Variants in LCLAT1 observed in about 807,000 individuals in gnomAD.
LCLAT1 encodes the protein 1-AGP acyltransferase 8.
In LCLAT1, 11 loss-of-function variants were observed where a neutral mutation model predicts 30.7. The ratio of observed to expected loss-of-function variants is 0.36; its 90% confidence interval spans 0.23 to 0.59. The LOEUF is 0.59. Ranked by LOEUF, LCLAT1 falls within the 20% of genes least tolerant of loss-of-function variation. LCLAT1 has a pLI of 0.77. For missense variants in LCLAT1, 402 were observed against 458.6 expected (o/e 0.88, Z 1.13); for synonymous variants, 155 against 151.3 (o/e 1.02, Z -0.18).
chr2:30,459,480 C>A, intron 1 of LCLAT1: 1 of 705,778 alleles, frequency 1.4e-6, no homozygotes, highest in Non-Finnish European at 2.6e-6. Flanking sequence ...CTCCATGAAC[C>A]ATCTGATGAG....
chr2:30,491,911 G>A (rs1683852166), intron 1 of LCLAT1, among the ~76,000 whole-genome samples: 1 of 152,108 alleles, frequency 6.6e-6, no homozygotes, highest in Non-Finnish European at 1.5e-5. Context: ...TTTGCTGTTG[G>A]ATTTACTCTG....
At chr2:30,533,453 A>C in intron 3 of LCLAT1, 139 bp downstream of exon 3, 2 of 715,238 alleles carry the variant, frequency 2.8e-6, no homozygotes, top group Non-Finnish European at 5.0e-6. Context: ...TTTTGTCTTT[A>C]GTGGATCTGC....
chr2:30,598,161 G>A (rs896032405), intron 5 of LCLAT1, among the ~76,000 whole-genome samples: 1 of 152,152 alleles, frequency 6.6e-6, no homozygotes, highest in South Asian at 2.1e-4. Flanking sequence ...CTCATAAAAT[G>A]AGTTAGGGAG....
intron 5 of LCLAT1, among the ~76,000 whole-genome samples, chr2:30,583,293 G>A (rs1206903284): frequency 6.6e-6 from 1 of 152,160 alleles, no homozygotes; most frequent in East Asian, 1.9e-4. Flanking sequence ...GAGATAGGTA[G>A]CAATTACAAG....
intron 4 of LCLAT1, among the ~76,000 whole-genome samples, chr2:30,563,344 C>T (rs1012627865): frequency 6.6e-6 from 1 of 152,148 alleles, no homozygotes; most frequent in African/African-American, 2.4e-5. Flanking sequence ...CAGATGAAGC[C>T]TTCTATCAAG....
At chr2:30,485,237 G>A (rs1239903589) in intron 1 of LCLAT1, among the ~76,000 whole-genome samples, 1 of 152,058 alleles carries the variant, frequency 6.6e-6, no homozygotes, top group Non-Finnish European at 1.5e-5. Flanking sequence ...TTTGGTCCCC[G>A]CTTAGCTGAA....
In LCLAT1 at chr2:30,606,129, T is replaced by G; in HGVS notation, c.629-33988T>G. ...GGAAAAACACTCCATGCTCATGGAT[T>G]GGAAGAATCAATATCGTGAAATTGG... On this transcript the variant is annotated intron_variant, in intron 5 of 5. Coordinates refer to ENST00000379509, the MANE Select transcript of LCLAT1 (RefSeq NM_001002257.3). 3 of 859,802 alleles carry G rather than the reference T, an allele frequency of 3.5e-6. No individual in the cohort carries two copies. In the South Asian group the frequency reaches 4.7e-5, roughly 13 times the overall value. The allele number at this position is 859,802 out of a possible 1,614,324, so 53.3% of individuals were successfully genotyped here.
chr2:30,471,147 C>T (rs749064895), intron 1 of LCLAT1, among the ~76,000 whole-genome samples: 8 of 151,820 alleles, frequency 5.3e-5, no homozygotes, highest in East Asian at 1.9e-4. Flanking sequence ...CTCCTGACCT[C>T]GTGATCCACC....
intron 5 of LCLAT1, among the ~76,000 whole-genome samples, chr2:30,634,064 T>G (rs1668902011): frequency 6.6e-6 from 1 of 152,246 alleles, no homozygotes; most frequent in Non-Finnish European, 1.5e-5. Context: ...GCCTGTAAGC[T>G]TCTGTAACTT....
chr2:30,471,341 C>T (rs1682777855), intron 1 of LCLAT1, among the ~76,000 whole-genome samples: 1 of 152,112 alleles, frequency 6.6e-6, no homozygotes, highest in Non-Finnish European at 1.5e-5. Flanking sequence ...TCCTGAGTAG[C>T]TGGAACTACA....
At chr2:30,634,587 A>G (rs969668825) in intron 5 of LCLAT1, among the ~76,000 whole-genome samples, 1 of 152,204 alleles carries the variant, frequency 6.6e-6, no homozygotes, top group Non-Finnish European at 1.5e-5. Context: ...GACAAGCGCA[A>G]AACTCCATCT....
chr2:30,562,799 C>T (rs962066526), intron 4 of LCLAT1, among the ~76,000 whole-genome samples: 2 of 152,136 alleles, frequency 1.3e-5, no homozygotes, highest in Admixed American at 6.5e-5. Context: ...TTATCCTCTT[C>T]TAAGGTATTT....
chr2:30,520,666 A>G (rs1050820550), intron 1 of LCLAT1, among the ~76,000 whole-genome samples: 3 of 152,220 alleles, frequency 2.0e-5, no homozygotes, highest in African/African-American at 7.2e-5. Flanking sequence ...ACAGTGCCTG[A>G]AATATTTTAA....
intron 4 of LCLAT1, among the ~76,000 whole-genome samples, chr2:30,566,624 T>G (rs927646068): frequency 6.6e-6 from 1 of 152,226 alleles, no homozygotes; most frequent in Non-Finnish European, 1.5e-5. Context: ...TGTGTCGATA[T>G]AGATATTTTT....
intron 3 of LCLAT1, among the ~76,000 whole-genome samples, chr2:30,557,137 A>T (rs1378316818): frequency 1.3e-5 from 2 of 152,198 alleles, no homozygotes; most frequent in African/African-American, 2.4e-5. Flanking sequence ...CTCAGTTCAT[A>T]CAAGTTTGGA....
chr2:30,641,697 T>C lies in LCLAT1; in HGVS notation c.*1078T>C, dbSNP rs569121973. On this transcript the variant is annotated 3_prime_UTR_variant, in exon 6 of 6. Coordinates refer to ENST00000379509, the MANE Select transcript of LCLAT1 (RefSeq NM_001002257.3). ...CACAAAAATTAATCCTTAATAATGA[T>C]AGCAAGTGATCTTTCTTTTTAGTTT... The C allele has an allele frequency of 2.0e-5, 3 of 152,176 alleles. No individual in the cohort carries two copies. The highest frequency in any genetic ancestry group is 6.5e-5 in the Admixed American group (1 of 15,302). The allele number at this position is 152,176 out of a possible 1,614,324, so 9.4% of individuals were successfully genotyped here. A position where few individuals can be genotyped will look rare whatever the true frequency, so the allele number is the denominator to read the frequency against.
intron 5 of LCLAT1, among the ~76,000 whole-genome samples, chr2:30,591,289 A>G (rs1163178191): frequency 1.3e-5 from 2 of 152,190 alleles, no homozygotes; most frequent in Non-Finnish European, 2.9e-5. Context: ...CTTCGGGATT[A>G]CTGTCAGGAA....
chr2:30,537,473 T>C (rs556994868), intron 3 of LCLAT1, among the ~76,000 whole-genome samples: 6 of 149,818 alleles, frequency 4.0e-5, no homozygotes, highest in Non-Finnish European at 8.9e-5. Flanking sequence ...ATTATTAATA[T>C]ATAGTGATAA....
At chr2:30,505,892 CAA>C (rs1388328639) in intron 1 of LCLAT1, among the ~76,000 whole-genome samples, 2 of 152,136 alleles carry the variant, frequency 1.3e-5, no homozygotes, top group Non-Finnish European at 2.9e-5. Flanking sequence ...CAGTAAACCT[CAA>C]GAGGTAAGTA....
Sources: allele counts gnomAD v4.1 joint callset (sites outside exome capture counted in the v4.1 genomes callset), GRCh38; gene constraint gnomAD v4.1.1; transcripts MANE v1.5; gene names NCBI Gene and HGNC (gene_info 2026-07-23, HGNC 2026-07-21).